Variants in ASCC3 observed in about 807,000 individuals in gnomAD.
The protein encoded by ASCC3 is activating signal cointegrator 1 complex subunit 3.
A neutral mutation model predicts 256.3 loss-of-function variants in ASCC3; 158 were observed. That is an observed-to-expected ratio of 0.62 (90% CI 0.54 to 0.70). The LOEUF is 0.70. Among genes scored for constraint, ASCC3 ranks in the 30% least tolerant of loss-of-function variants. The probability of loss-of-function intolerance (pLI) is 0.00; values close to 1 mark genes in which losing one functional copy is unlikely to be tolerated. For synonymous variants in ASCC3, 948 were observed against 883.4 expected (o/e 1.07, Z -1.30); for missense variants, 2,259 against 2,626.0 (o/e 0.86, Z 3.05).
chr6:100,616,933 T>C (rs1017580564), intron 30 of ASCC3, among the ~76,000 whole-genome samples: 5 of 152,144 alleles, frequency 3.3e-5, no homozygotes, highest in Non-Finnish European at 7.4e-5. Flanking sequence ...GCATCCTGCT[T>C]TCCCACCCCA....
At chr6:100,627,007 G>A (rs1029969986) in intron 29 of ASCC3, among the ~76,000 whole-genome samples, 2 of 152,216 alleles carry the variant, frequency 1.3e-5, no homozygotes, top group Admixed American at 6.5e-5. Context: ...CAGCTAAAAA[G>A]TCACCTCACA....
Position 100,734,195 on chromosome 6 carries a change from G to A in ASCC3, c.1738-8492C>T, listed in dbSNP as rs12662418. Reference sequence around the variant, plus strand: ...CAGGAGAAGAATTTTTTACCACCATGTGATAAATTATGAAGGGGATTCTCA... The same window carrying A: ...CAGGAGAAGAATTTTTTACCACCATATGATAAATTATGAAGGGGATTCTCA... On this transcript the variant is annotated intron_variant, in intron 10 of 41. Transcript: ENST00000369162. Among the ~76,000 whole-genome samples, 207 of 152,246 alleles carry A rather than the reference G, an allele frequency of 1.4e-3. 4 individuals are homozygous for A. The East Asian group carries it at 0.032, about 24-fold the overall frequency.
intron 4 of ASCC3, among the ~76,000 whole-genome samples, chr6:100,820,303 C>G (rs1348927416): frequency 6.6e-6 from 1 of 151,334 alleles, no homozygotes; most frequent in Non-Finnish European, 1.5e-5. Flanking sequence ...ACAGACAAAT[C>G]AACAGAATAG....
chr6:100,827,215 T>C (rs925401390), intron 4 of ASCC3, among the ~76,000 whole-genome samples: 1 of 152,258 alleles, frequency 6.6e-6, no homozygotes, highest in Non-Finnish European at 1.5e-5. Context: ...TTTTACATTC[T>C]ACAAGTTTTA....
intron 20 of ASCC3, 56 bp downstream of exon 20, chr6:100,650,482 T>C: frequency 6.4e-7 from 1 of 1,562,460 alleles, no homozygotes; most frequent in Non-Finnish European, 8.8e-7. Flanking sequence ...AATTAACACC[T>C]TGGTCCTCTA....
chr6:100,524,539 A>C (rs927580174), intron 37 of ASCC3, among the ~76,000 whole-genome samples: 1 of 152,152 alleles, frequency 6.6e-6, no homozygotes, highest in African/African-American at 2.4e-5. Flanking sequence ...CTAGTCTACT[A>C]AACGAAAATC....
At chr6:100,762,278 G>A (rs1042515191) in intron 10 of ASCC3, among the ~76,000 whole-genome samples, 1 of 16,672 alleles carries the variant, frequency 6.0e-5, no homozygotes, top group South Asian at 8.3e-3. Context: ...TAAAAGAAGA[G>A]AACAATTCAG....
intron 11 of ASCC3, among the ~76,000 whole-genome samples, chr6:100,723,200 A>G (rs912562571): frequency 7.3e-5 from 11 of 151,636 alleles, no homozygotes; most frequent in African/African-American, 2.4e-4. Flanking sequence ...TGTTCCTTCC[A>G]GTTGATTATT....
Position 100,811,215 on chromosome 6 carries a change from T to C in ASCC3, c.802-5335A>G, listed in dbSNP as rs147372195. ...TCTTGCACAGTCCTGCTCTTACAAG[T>C]ATTAACTCTGTATTTAAAATAACAT... On this transcript the variant is annotated intron_variant, in intron 4 of 41. Transcript: ENST00000369162. Among the ~76,000 whole-genome samples the C allele has an allele frequency of 4.5e-3, 684 of 152,310 alleles. 4 individuals are homozygous for C. Among genetic ancestry groups the C allele is most frequent in the African/African-American group, 0.015 (641 of 41,576 alleles).
intron 8 of ASCC3, among the ~76,000 whole-genome samples, chr6:100,773,089 CTTGT>C (rs758774812): frequency 1.3e-5 from 2 of 152,008 alleles, no homozygotes; most frequent in East Asian, 1.9e-4. Flanking sequence ...CTTGAGAAAG[CTTGT>C]TTAAGTTCAC....
chr6:100,621,848 T>TC (rs1773967868), intron 30 of ASCC3, among the ~76,000 whole-genome samples: 1 of 152,114 alleles, frequency 6.6e-6, no homozygotes, highest in East Asian at 1.9e-4. Flanking sequence ...CAAATGCCCA[T>TC]CAGTGATAGA....
chr6:100,751,926 A>C (rs1007512697), intron 10 of ASCC3, among the ~76,000 whole-genome samples: 2 of 152,166 alleles, frequency 1.3e-5, no homozygotes, highest in Non-Finnish European at 2.9e-5. Flanking sequence ...TAGATTCCTA[A>C]ACATCAGACC....
chr6:100,564,675 C>T (rs945034950), intron 36 of ASCC3, among the ~76,000 whole-genome samples: 1 of 152,120 alleles, frequency 6.6e-6, no homozygotes, highest in Non-Finnish European at 1.5e-5. Context: ...CATGGTTCCT[C>T]TTGTACCTAA....
At chr6:100,540,780 T>A (rs1192433210) in intron 36 of ASCC3, among the ~76,000 whole-genome samples, 1 of 152,162 alleles carries the variant, frequency 6.6e-6, no homozygotes, top group Non-Finnish European at 1.5e-5. Flanking sequence ...TTGGGGGACC[T>A]TCTTATTTTA....
chr6:100,769,436 T>C (rs1781817113), intron 8 of ASCC3, among the ~76,000 whole-genome samples: 2 of 151,926 alleles, frequency 1.3e-5, no homozygotes, highest in Admixed American at 1.3e-4. Flanking sequence ...GATTTGATCA[T>C]TGCGCAGAAT....
At chr6:100,585,382 G>T (rs911707109) in intron 36 of ASCC3, among the ~76,000 whole-genome samples, 1 of 152,050 alleles carries the variant, frequency 6.6e-6, no homozygotes, top group African/African-American at 2.4e-5. Context: ...CGGCTCCTGA[G>T]GCTTCTGCAT....
intron 10 of ASCC3, among the ~76,000 whole-genome samples, chr6:100,746,862 G>A (rs1002383325): frequency 6.6e-6 from 1 of 152,066 alleles, no homozygotes; most frequent in Admixed American, 6.5e-5. Flanking sequence ...CAAAGAAACA[G>A]AATCCAAAAA....
intron 4 of ASCC3, among the ~76,000 whole-genome samples, chr6:100,815,269 C>T (rs1770684614): frequency 6.6e-6 from 1 of 151,926 alleles, no homozygotes; most frequent in Non-Finnish European, 1.5e-5. Context: ...TCAGAGATAA[C>T]ACAAACAAAT....
intron 13 of ASCC3, among the ~76,000 whole-genome samples, chr6:100,705,735 T>C (rs148323935): frequency 6.6e-6 from 1 of 152,144 alleles, no homozygotes; most frequent in African/African-American, 2.4e-5. Flanking sequence ...ATAGACTGCA[T>C]ATTTCTTACT....
Sources: allele counts gnomAD v4.1 joint callset (sites outside exome capture counted in the v4.1 genomes callset), GRCh38; gene constraint gnomAD v4.1.1; transcripts MANE v1.5; gene names NCBI Gene and HGNC (gene_info 2026-07-23, HGNC 2026-07-21).